Variants in CDH17 observed in about 807,000 individuals in gnomAD.
CDH17 encodes cadherin 17.
CDH17 carries 67 observed loss-of-function variants against 86.3 expected under a neutral mutation model. The observed-to-expected ratio is 0.78, with a 90% CI of 0.64 to 0.95. The LOEUF (loss-of-function observed/expected upper bound fraction) is 0.95. CDH17 is among the 40% of genes least tolerant of loss of function. The pLI is 0.00. For missense variants in CDH17, 993 were observed against 1,017.6 expected, an observed-to-expected ratio of 0.98 and a Z score of 0.33; for synonymous variants, 367 against 366.4, an observed-to-expected ratio of 1.00 and a Z score of -0.02.
rs145736877 is a variant in CDH17 at position 94,130,073 on chromosome 8, T to C, written c.2398+553A>G. Among the ~76,000 whole-genome samples the C allele has an allele frequency of 4.2e-3, 642 of 152,338 alleles. 6 individuals are homozygous for C. The highest frequency in any genetic ancestry group is 6.8e-3 in the Middle Eastern group (2 of 294). On this transcript the variant is annotated intron_variant, in intron 17 of 17. Coordinates refer to ENST00000027335, the MANE Select transcript of CDH17 (RefSeq NM_004063.4). ...AAAAGACAGCTAGATCAGGGGACTG[T>C]ACTGTCTAGCCAAGCAAGGGGCTAT...
chr8:94,189,530 G>A (rs552065540), intron 2 of CDH17, among the ~76,000 whole-genome samples: 1 of 152,324 alleles, frequency 6.6e-6, no homozygotes, highest in Non-Finnish European at 1.5e-5. Context: ...ATCACTCTAT[G>A]AGAAGAATGT....
At chr8:94,177,451 A>T (rs551004556) in intron 4 of CDH17, 136 bp downstream of exon 4, 1 of 871,026 alleles carries the variant, frequency 1.1e-6, no homozygotes, top group East Asian at 2.4e-5. Context: ...ACATGTGAGG[A>T]TTGCAAAGCG....
intron 1 of CDH17, among the ~76,000 whole-genome samples, chr8:94,204,864 G>T (rs940328178): frequency 6.6e-6 from 1 of 152,176 alleles, no homozygotes; most frequent in African/African-American, 2.4e-5. Flanking sequence ...AATGGAAGGG[G>T]GGCCAGAGCA....
At chr8:94,199,079 ATATAT>A (rs1290202410) in intron 1 of CDH17, among the ~76,000 whole-genome samples, 18 of 8,896 alleles carry the variant, frequency 2.0e-3, no homozygotes, top group South Asian at 0.01. Flanking sequence ...ATATATATAT[ATATAT>A]TTTTTTTTTT....
chr8:94,183,519 A>T (rs1275910537), intron 3 of CDH17, among the ~76,000 whole-genome samples: 1 of 152,140 alleles, frequency 6.6e-6, no homozygotes, highest in East Asian at 1.9e-4. Context: ...CACATGCAAA[A>T]GAATGAAGTT....
chr8:94,200,532 C>CTTTT lies in CDH17; in HGVS notation c.-20-5831_-20-5828dup, dbSNP rs1387182561. On this transcript the variant is annotated intron_variant, in intron 1 of 17. Transcript: ENST00000027335. ...TAGATCAGAGGGTTATTATTATTAT[C>CTTTT]TTTTGTTTTTTTTTTTTTTTTTTTT... 2.4e-3 allele frequency among the ~76,000 whole-genome samples: 123 copies of CTTTT among 50,218 alleles called. 14 individuals are homozygous for CTTTT. The highest frequency in any genetic ancestry group is 4.7e-3 in the African/African-American group (60 of 12,794). The allele number at this position is 50,218 out of a possible 152,430, so 32.9% of individuals were successfully genotyped here.
chr8:94,212,966 T>C (rs1389413949), upstream of CDH17, among the ~76,000 whole-genome samples: 1 of 152,208 alleles, frequency 6.6e-6, no homozygotes, highest in Non-Finnish European at 1.5e-5. Context: ...AACTGGGGCT[T>C]ACACTATGAA....
intron 15 of CDH17, among the ~76,000 whole-genome samples, chr8:94,131,369 C>T (rs995216130): frequency 1.3e-5 from 2 of 152,218 alleles, no homozygotes; most frequent in African/African-American, 4.8e-5. Flanking sequence ...CTGATCAATA[C>T]ATAACCTTGC....
intron 4 of CDH17, among the ~76,000 whole-genome samples, chr8:94,177,384 A>G (rs1333611747): frequency 6.6e-6 from 1 of 152,194 alleles, no homozygotes; most frequent in Non-Finnish European, 1.5e-5. Flanking sequence ...ACGTTGGTTA[A>G]AAAGCCTAAG....
intron 13 of CDH17, among the ~76,000 whole-genome samples, chr8:94,150,749 G>A (rs199649562): frequency 3.9e-5 from 6 of 151,986 alleles, no homozygotes; most frequent in South Asian, 2.1e-4. Context: ...TTTTATTCAC[G>A]TCTTTGACCA....
At chr8:94,131,677 C>T (rs1435793021) in intron 15 of CDH17, among the ~76,000 whole-genome samples, 1 of 151,612 alleles carries the variant, frequency 6.6e-6, no homozygotes, top group African/African-American at 2.4e-5. Context: ...TAGGTTTGAC[C>T]CTGTGTGGTT....
chr8:94,131,644 T>G (rs34409082), intron 15 of CDH17, among the ~76,000 whole-genome samples: 33,050 of 151,952 alleles, frequency 0.22, 4,088 homozygotes, highest in East Asian at 0.54. Flanking sequence ...AAGCCATTTT[T>G]TTTTTTATCA....
chr8:94,191,020 A>G (rs1450923727), intron 2 of CDH17, among the ~76,000 whole-genome samples: 1 of 152,088 alleles, frequency 6.6e-6, no homozygotes, highest in Non-Finnish European at 1.5e-5. Flanking sequence ...TCTTCCTCCC[A>G]CCACAGAGAC....
rs1350913545 is a variant in CDH17 at position 94,179,796 on chromosome 8, A to G, written c.151-2075T>C. Among the ~76,000 whole-genome samples, 2 of 152,330 alleles carry G rather than the reference A, an allele frequency of 1.3e-5. 1 individual carries two copies. The highest frequency in any genetic ancestry group is 4.8e-5 in the African/African-American group (2 of 41,578). On this transcript the variant is annotated intron_variant, in intron 3 of 17. Coordinates refer to ENST00000027335, the MANE Select transcript of CDH17 (RefSeq NM_004063.4). ...TGACAAAGAATACAGACTTTACAGA[A>G]TTCATTATGGAAAGTCACTAAGCAA...
chr8:94,169,781 T>C (rs1362464614), intron 9 of CDH17, among the ~76,000 whole-genome samples: 1 of 152,196 alleles, frequency 6.6e-6, no homozygotes, highest in African/African-American at 2.4e-5. Context: ...TAGTTGTTCC[T>C]ATACAAAAAC....
intron 10 of CDH17, among the ~76,000 whole-genome samples, chr8:94,164,143 G>A (rs1216095899): frequency 1.3e-5 from 2 of 152,198 alleles, no homozygotes; most frequent in African/African-American, 4.8e-5. Flanking sequence ...AGGTCCTCAT[G>A]TATTTCCACA....
chr8:94,150,077 G>A (rs900484039), intron 13 of CDH17, among the ~76,000 whole-genome samples: 2 of 152,174 alleles, frequency 1.3e-5, no homozygotes, highest in African/African-American at 4.8e-5. Context: ...AAAAAAGTAT[G>A]ATGTGTTAAT....
chr8:94,164,760 C>T (rs2130625431), intron 10 of CDH17, among the ~76,000 whole-genome samples: 1 of 152,336 alleles, frequency 6.6e-6, no homozygotes, highest in South Asian at 2.1e-4. Flanking sequence ...TACGCATTAA[C>T]TCAAAGGACC....
chr8:94,133,642 C>A (rs1313999812), intron 15 of CDH17, among the ~76,000 whole-genome samples: 2 of 152,046 alleles, frequency 1.3e-5, no homozygotes, highest in African/African-American at 4.8e-5. Context: ...AATTGAATAC[C>A]CTTTATTTCT....
Sources: gnomAD v4.1 joint callset for allele counts (sites outside exome capture counted in the v4.1 genomes callset) on GRCh38, gnomAD v4.1.1 for gene constraint, MANE v1.5 for transcripts, NCBI Gene and HGNC (gene_info 2026-07-23, HGNC 2026-07-21) for gene names.